Variants in DPP6 observed in about 807,000 individuals in gnomAD.
The protein encoded by DPP6 is A-type potassium channel modulatory protein DPP6.
Under a neutral mutation model 122.6 loss-of-function variants are expected in DPP6, and 69 were observed. The ratio of observed to expected loss-of-function variants is 0.56; its 90% CI spans 0.46 to 0.69. The LOEUF (loss-of-function observed/expected upper bound fraction) is 0.69. DPP6 is among the 30% of genes least tolerant of loss of function. The pLI, the probability that DPP6 is intolerant of heterozygous loss-of-function variation, is 0.00. For missense variants in DPP6, 928 were observed against 1,116.9 expected (o/e 0.83, Z 2.41); for synonymous variants, 418 against 433.1 (o/e 0.97, Z 0.43).
chr7:154,097,006 C>A (rs113981349), intron 1 of DPP6, among the ~76,000 whole-genome samples: 1 of 151,240 alleles, frequency 6.6e-6, no homozygotes, highest in Admixed American at 6.6e-5. Flanking sequence ...CCGTGTGCTC[C>A]CCTTGTAGGT....
chr7:154,788,384 C>T (rs912305412), intron 10 of DPP6, among the ~76,000 whole-genome samples: 1 of 150,796 alleles, frequency 6.6e-6, no homozygotes, highest in Non-Finnish European at 1.5e-5. Flanking sequence ...GTGGAGGTTG[C>T]AGTGAGCTGA....
At chr7:154,170,204 C>T (rs1797464380) in intron 1 of DPP6, among the ~76,000 whole-genome samples, 1 of 152,168 alleles carries the variant, frequency 6.6e-6, no homozygotes, top group Non-Finnish European at 1.5e-5. Flanking sequence ...GCTGACCCAG[C>T]AGCCTGCCCA....
intron 1 of DPP6, among the ~76,000 whole-genome samples, chr7:153,905,790 A>T (rs2129000768): frequency 6.6e-6 from 1 of 152,326 alleles, no homozygotes; most frequent in Admixed American, 6.5e-5. Flanking sequence ...AGATGCTGGG[A>T]ACAAGGAAGT....
intron 1 of DPP6, among the ~76,000 whole-genome samples, chr7:154,019,285 G>C (rs1464844152): frequency 6.6e-6 from 1 of 152,042 alleles, no homozygotes; most frequent in Non-Finnish European, 1.5e-5. Context: ...TCTAAAGCCA[G>C]CCTCTCCTTA....
chr7:154,883,099 A>ACCTGCT (rs1805545540), intron 21 of DPP6, among the ~76,000 whole-genome samples: 1 of 150,748 alleles, frequency 6.6e-6, no homozygotes, highest in African/African-American at 2.4e-5. Flanking sequence ...TCACCCATAC[A>ACCTGCT]CATGCTCTCA....
intron 1 of DPP6, among the ~76,000 whole-genome samples, chr7:153,906,600 C>T (rs1799861989): frequency 6.6e-6 from 1 of 152,132 alleles, no homozygotes; most frequent in African/African-American, 2.4e-5. Flanking sequence ...ACAGGCACAT[C>T]TTACCATGTC....
chr7:154,762,539 T>C (rs987996215), intron 8 of DPP6, among the ~76,000 whole-genome samples: 1 of 152,234 alleles, frequency 6.6e-6, no homozygotes, highest in South Asian at 2.1e-4. Context: ...TCCGCAGTAG[T>C]TGAATTCGCA....
intron 4 of DPP6, among the ~76,000 whole-genome samples, chr7:154,557,424 C>T (rs73163102): frequency 0.16 from 24,555 of 152,006 alleles, 2,239 homozygotes; most frequent in Non-Finnish European, 0.21. Flanking sequence ...CGTATCAGCC[C>T]CACTGTTGCC....
intron 17 of DPP6, among the ~76,000 whole-genome samples, chr7:154,854,639 G>T (rs774087268): frequency 8.5e-5 from 13 of 152,166 alleles, no homozygotes; most frequent in Non-Finnish European, 1.9e-4. Context: ...TCAAGAAGAG[G>T]ACTCAGAGGA....
the DPP6 span, among the ~76,000 whole-genome samples, chr7:153,817,076 C>T: frequency 1.1e-4 from 16 of 150,034 alleles, no homozygotes; most frequent in Non-Finnish European, 2.1e-4. Context: ...GCGTGGAAAA[C>T]CAATCCCTGA....
chr7:154,259,903 G>C (rs1315882165), intron 1 of DPP6, among the ~76,000 whole-genome samples: 1 of 152,228 alleles, frequency 6.6e-6, no homozygotes, highest in Non-Finnish European at 1.5e-5. Flanking sequence ...GTGGCTGCTG[G>C]TTAAGGAGAC....
intron 1 of DPP6, among the ~76,000 whole-genome samples, chr7:153,910,803 A>G (rs1451849191): frequency 6.6e-6 from 1 of 152,118 alleles, no homozygotes; most frequent in African/African-American, 2.4e-5. Flanking sequence ...TTCTCACTTC[A>G]TAGCTCACAG....
At chr7:154,344,780 C>T (rs893235619) in intron 1 of DPP6, among the ~76,000 whole-genome samples, 7 of 151,968 alleles carry the variant, frequency 4.6e-5, no homozygotes, top group Non-Finnish European at 7.4e-5. Context: ...CCCAACTACT[C>T]GGGAGGCTGA....
At chr7:153,866,728 C>A in the DPP6 span, among the ~76,000 whole-genome samples, 1 of 152,134 alleles carries the variant, frequency 6.6e-6, no homozygotes, top group Non-Finnish European at 1.5e-5. Context: ...CTTGCCCATG[C>A]CTATGTCTTG....
intron 1 of DPP6, among the ~76,000 whole-genome samples, chr7:153,915,943 TTTTA>T (rs141267507): frequency 0.51 from 74,583 of 146,800 alleles, 19,375 homozygotes; most frequent in East Asian, 0.63. Context: ...CTCCTCTGAT[TTTTA>T]TTTATTTATT....
chr7:154,618,554 T>A lies in DPP6; in HGVS notation c.628-19267T>A, dbSNP rs114592191. On this transcript the variant is annotated intron_variant, in intron 5 of 25. Transcript: ENST00000377770. The surrounding 1 kb of genome is among the most constrained non-coding windows in gnomAD (Gnocchi z 4.1). ...TCTCATCATATTTTTAATATAGCCC[T>A]GCATTTTCCTCATATGAAAGCAGAA... is the stretch of plus-strand genomic sequence containing the variant. Among the ~76,000 whole-genome samples, 2,835 of 152,278 alleles carry A rather than the reference T, an allele frequency of 0.019. 82 individuals are homozygous for A. Among genetic ancestry groups the A allele is most frequent in the African/African-American group, 0.062 (2,591 of 41,530 alleles).
At chr7:153,881,972 C>T in the DPP6 span, among the ~76,000 whole-genome samples, 6 of 152,136 alleles carry the variant, frequency 3.9e-5, no homozygotes, top group Non-Finnish European at 8.8e-5. Flanking sequence ...GCATATCACC[C>T]ACCAGACACC....
At chr7:153,855,549 A>G in the DPP6 span, among the ~76,000 whole-genome samples, 1 of 152,136 alleles carries the variant, frequency 6.6e-6, no homozygotes, top group Non-Finnish European at 1.5e-5. Flanking sequence ...GAAATTCTCT[A>G]TTCTTTTTCA....
In DPP6 at chr7:154,683,551, A is replaced by C. The variant is rs142076003; in HGVS notation, c.762+14110A>C. Among the ~76,000 whole-genome samples the C allele has an allele frequency of 2.0e-5, 3 of 152,074 alleles. No individual in the cohort carries two copies. The East Asian group carries it at 5.8e-4, about 29-fold the overall frequency. ...TAACAGCTGCCTTCTTGGTTTTTCT[A>C]CCCCAAAACTACCCCTACTCCAGAA... is the stretch of plus-strand genomic sequence containing the variant. On this transcript the variant is annotated intron_variant, in intron 7 of 25. Coordinates refer to ENST00000377770, the MANE Select transcript of DPP6 (RefSeq NM_130797.4).
Sources: gnomAD v4.1 joint callset for allele counts (sites outside exome capture counted in the v4.1 genomes callset) on GRCh38, gnomAD v4.1.1 for gene constraint, Gnocchi (gnomAD v3.1) non-coding constraint, MANE v1.5 for transcripts, NCBI Gene and HGNC (gene_info 2026-07-23, HGNC 2026-07-21) for gene names.